Variants in SALL1 observed in about 807,000 individuals in gnomAD.
SALL1 encodes the protein sal-like protein 1.
A neutral mutation model predicts 73.1 loss-of-function variants in SALL1; 10 were observed. The ratio of observed to expected loss-of-function variants is 0.14; its 90% CI spans 0.08 to 0.23. SALL1 has a LOEUF of 0.23. Among genes scored for constraint, SALL1 ranks in the 10% least tolerant of loss-of-function variants. The pLI is 1.00. For synonymous variants in SALL1, 688 were observed against 689.8 expected (o/e 1.00, Z 0.04); for missense variants, 1,520 against 1,697.3 (o/e 0.90, Z 1.84).
Position 51,138,861 on chromosome 16 carries a change from C to A in SALL1, c.3361G>T (p.Val1121Phe). The change falls in exon 2 of 3, where the codon GTT (valine) becomes TTT (phenylalanine). Residue 1121 changes from valine (V) to phenylalanine (F), a missense_variant. Physicochemically the swap from Val to Phe is conservative, Grantham distance 50. Coordinates refer to ENST00000251020, the MANE Select transcript of SALL1 (RefSeq NM_002968.3). ...GPLSSSATSP[V>F]LLPALPRRTP... The stretch of plus-strand genomic sequence containing the variant: ...CTCCTGGGCAGAGCAGGGAGCAGAA[C>A]TGGGGATGTGGCAGAGGAAGACAGA... 6.2e-7 allele frequency: 1 copy of A among 1,614,192 alleles called. No individual in the cohort carries two copies. Among genetic ancestry groups the A allele is most frequent in the Non-Finnish European group, 8.5e-7 (1 of 1,180,042 alleles).
rs1962293932 is a variant in SALL1, at chr16:51,136,120, A to G, written c.*992T>C. The G allele has an allele frequency of 6.5e-6, 1 of 152,688 alleles. No homozygotes were observed. The highest frequency in any genetic ancestry group is 1.5e-5 in the Non-Finnish European group (1 of 68,038). The allele number at this position is 152,688 out of a possible 1,614,324, so 9.5% of individuals were successfully genotyped here. ...AACTTTCCAAGAAAGTGCATGTAACAGTCCAATTTTTTTCTTCCATACCTA... is the reference window on the plus strand; with the variant it reads ...AACTTTCCAAGAAAGTGCATGTAACGGTCCAATTTTTTTCTTCCATACCTA... On this transcript the variant is annotated 3_prime_UTR_variant, in exon 3 of 3. Coordinates refer to ENST00000251020, the MANE Select transcript of SALL1 (RefSeq NM_002968.3).
Position 51,136,833 on chromosome 16 carries a change from T to G in SALL1, c.*279A>C. On this transcript the variant is annotated 3_prime_UTR_variant, in exon 3 of 3. Coordinates refer to ENST00000251020, the MANE Select transcript of SALL1 (RefSeq NM_002968.3). ...CAATTGCCATAAATGTTACAGCAAG[T>G]TTACAGCACTCTAGTCAATTAGTAT... 2.3e-6 allele frequency: 1 copy of G among 443,492 alleles called. No homozygotes were observed. 27.5% of individuals were successfully genotyped at this position (443,492 alleles called of 1,614,324 possible). A position where few individuals can be genotyped will look rare whatever the true frequency, so the allele number is the denominator to read the frequency against.
rs757169483 is a variant in SALL1, at chr16:51,140,315, G to A, written c.1907C>T (p.Thr636Met). Residue 636 changes from threonine to methionine, a missense_variant, in exon 2 of 3, where the codon ACG (threonine) becomes ATG (methionine). This residue lies in a region of SALL1 where 276 missense variants were observed against 259.1 expected (regional missense o/e 1.07). Coordinates refer to ENST00000251020, the MANE Select transcript of SALL1 (RefSeq NM_002968.3). The surrounding 1 kb of genome is among the most constrained non-coding windows in gnomAD (Gnocchi z 5.7). ...GGAGCTCAGGACGCTACTGCTCGCC[G>A]TCGGGACTGAGTTGGTGACCATGCC... ...ESGMVTNSVP[T>M]ASSSVLSSPA... 106 of 1,613,954 alleles carry A rather than the reference G, an allele frequency of 6.6e-5. No homozygotes were observed. The highest frequency in any genetic ancestry group is 6.7e-5 in the African/African-American group (5 of 74,940).
At position 51,140,062 on chromosome 16, in the gene SALL1, G is replaced by A; in HGVS notation, c.2160C>T (p.Ala720=). The A allele has an allele frequency of 6.2e-7, 1 of 1,614,230 alleles. No individual in the cohort carries two copies. The highest frequency in any genetic ancestry group is 8.5e-7 in the Non-Finnish European group (1 of 1,180,034). The change falls in exon 2 of 3, where the codon GCC becomes GCT. Residue 720 remains alanine (A), a synonymous_variant. Transcript: ENST00000251020. The surrounding 1 kb of genome is among the most constrained non-coding windows in gnomAD (Gnocchi z 5.7). ...ICHRVLSCQS[A]LKMHYRTHTG... ...TGTGTGTCCTGTAGTGCATTTTCAA[G>A]GCGCTCTGGCAGCTGAGAACCCGGT...
upstream of SALL1, among the ~76,000 whole-genome samples, chr16:51,151,943 G>A: frequency 6.6e-6 from 1 of 151,682 alleles, no homozygotes; most frequent in African/African-American, 2.4e-5. Flanking sequence ...AGGGGGGAGG[G>A]CGTCCCGTTT....
intron 2 of SALL1, among the ~76,000 whole-genome samples, chr16:51,137,807 T>C (rs1962340940): frequency 6.6e-6 from 1 of 152,188 alleles, no homozygotes; most frequent in African/African-American, 2.4e-5. Context: ...AAGGATGCCT[T>C]ACTTACTCTT....
chr16:51,136,746 T>C lies in SALL1; in HGVS notation c.*366A>G, dbSNP rs1231367907. 1 of 303,346 alleles carries C rather than the reference T, an allele frequency of 3.3e-6. No individual in the cohort carries two copies. Among genetic ancestry groups the C allele is most frequent in the Non-Finnish European group, 6.4e-6 (1 of 157,374 alleles). 18.8% of individuals were successfully genotyped at this position (303,346 alleles called of 1,614,324 possible). A position where few individuals can be genotyped will look rare whatever the true frequency, so the allele number is the denominator to read the frequency against. On this transcript the variant is annotated 3_prime_UTR_variant, in exon 3 of 3. Transcript: ENST00000251020. ...AGGCATTGCATCAACACCAGATTCA[T>C]ATTAAACTGGATATAGAAAATAAGT...
intron 1 of SALL1, among the ~76,000 whole-genome samples, chr16:51,147,516 G>T (rs1229053259): frequency 6.6e-6 from 1 of 152,006 alleles, no homozygotes; most frequent in Non-Finnish European, 1.5e-5. Context: ...TCAATGTGTT[G>T]CTATGAAGCT....
Position 51,138,814 on chromosome 16 carries a change from G to A in SALL1, c.3408C>T (p.Cys1136=), listed in dbSNP as rs1480319926. ...LPRRTPKQHY[C]NTCGKTFSSS... is the part of the protein sequence containing the mutation. ...AGGAGAAGGTTTTGCCACATGTGTT[G>A]CAGTAGTGCTGCTTGGGAGTTCTCC... Residue 1136 remains cysteine (C), a synonymous_variant, in exon 2 of 3, where the codon TGC becomes TGT. Coordinates refer to ENST00000251020, the MANE Select transcript of SALL1 (RefSeq NM_002968.3). 1.9e-6 allele frequency: 3 copies of A among 1,614,236 alleles called. No individual in the cohort carries two copies. The highest frequency in any genetic ancestry group is 2.2e-5 in the South Asian group (2 of 91,084).
intron 1 of SALL1, among the ~76,000 whole-genome samples, chr16:51,144,936 G>C (rs566250424): frequency 6.6e-6 from 1 of 152,022 alleles, no homozygotes; most frequent in Non-Finnish European, 1.5e-5. Flanking sequence ...ACTGTAGAGT[G>C]AACTAATTTA....
At chr16:51,145,566 A>G (rs958286587) in intron 1 of SALL1, among the ~76,000 whole-genome samples, 13 of 152,122 alleles carry the variant, frequency 8.5e-5, no homozygotes, top group African/African-American at 2.9e-4. Context: ...CACCAAATTT[A>G]TACTAAAATC....
chr16:51,145,072 A>G (rs1246862574), intron 1 of SALL1, among the ~76,000 whole-genome samples: 1 of 146,572 alleles, frequency 6.8e-6, no homozygotes. Context: ...ATTCGGAACA[A>G]AATTCCAAGG....
intron 1 of SALL1, among the ~76,000 whole-genome samples, chr16:51,145,965 TTTGA>T (rs766206190): frequency 2.0e-5 from 3 of 151,290 alleles, no homozygotes; most frequent in Non-Finnish European, 2.9e-5. Flanking sequence ...CACAAACATA[TTTGA>T]TTGATTGGTC....
chr16:51,149,906 C>T (rs534121874), intron 1 of SALL1: 2 of 152,492 alleles, frequency 1.3e-5, no homozygotes, highest in African/African-American at 4.8e-5. Flanking sequence ...CAAAATGCCG[C>T]CTAGGGCGTG....
chr16:51,136,967 C>G lies in SALL1; in HGVS notation c.*145G>C. On this transcript the variant is annotated 3_prime_UTR_variant, in exon 3 of 3. Transcript: ENST00000251020. ...TAGAACTCTAAAGTTGAACAAGGTA[C>G]AAAAGAATGTCTTCATAATGTTGTA... 3.0e-6 allele frequency: 2 copies of G among 672,526 alleles called. No individual in the cohort carries two copies. Among genetic ancestry groups the G allele is most frequent in the Non-Finnish European group, 5.0e-6 (2 of 403,148 alleles). 41.7% of individuals were successfully genotyped at this position (672,526 alleles called of 1,614,324 possible). A position where few individuals can be genotyped will look rare whatever the true frequency, so the allele number is the denominator to read the frequency against.
rs1461765489 is a variant in SALL1, at chr16:51,139,313, A to G, written c.2909T>C (p.Leu970Ser). The change falls in exon 2 of 3, where the codon TTG becomes TCG. Residue 970 changes from leucine to serine, a missense_variant. Around this residue, in one of 7 missense-constraint regions of SALL1, gnomAD observed 266 missense variants for 275.1 expected, o/e 0.97. Coordinates refer to ENST00000251020, the MANE Select transcript of SALL1 (RefSeq NM_002968.3). ...CTCTGCGTGACTAGATGTCAAATCC[A>G]AAGCCCCACCATTCACTGGGGTGGG... Reference protein sequence around the residue: ...LSPTPVNGGALDLTSSHAEKI... With the variant: ...LSPTPVNGGASDLTSSHAEKI... The G allele has an allele frequency of 6.2e-7, 1 of 1,614,048 alleles. No individual in the cohort carries two copies. The highest frequency in any genetic ancestry group is 2.2e-5 in the East Asian group (1 of 44,890).
upstream of SALL1, chr16:51,152,019 A>C (rs1337340928): frequency 6.6e-6 from 1 of 150,448 alleles, no homozygotes; most frequent in Middle Eastern, 3.4e-3. Flanking sequence ...CCATTAAAAA[A>C]AAAAATAAGC....
At chr16:51,147,521 G>A (rs1302831532) in intron 1 of SALL1, among the ~76,000 whole-genome samples, 1 of 152,036 alleles carries the variant, frequency 6.6e-6, no homozygotes, top group East Asian at 1.9e-4. Flanking sequence ...GTGTTGCTAT[G>A]AAGCTGCTCA....
Position 51,139,319 on chromosome 16 carries a change from C to T in SALL1, c.2903G>A (p.Gly968Glu). Reference protein sequence around the residue: ...NGLSPTPVNGGALDLTSSHAE... With the variant: ...NGLSPTPVNGEALDLTSSHAE... The stretch of plus-strand genomic sequence containing the variant: ...GTGACTAGATGTCAAATCCAAAGCC[C>T]CACCATTCACTGGGGTGGGAGACAA... The change falls in exon 2 of 3, where the codon GGG becomes GAG. Residue 968 changes from glycine (G) to glutamate (E), a missense_variant. Transcript: ENST00000251020. 6.2e-7 allele frequency: 1 copy of T among 1,614,118 alleles called. No individual in the cohort carries two copies. The highest frequency in any genetic ancestry group is 1.1e-5 in the South Asian group (1 of 91,068).
Sources: gnomAD v4.1 joint callset for allele counts (sites outside exome capture counted in the v4.1 genomes callset) on GRCh38, gnomAD v4.1.1 for gene constraint, gnomAD v4.1.1 regional missense constraint, Gnocchi (gnomAD v3.1) non-coding constraint, MANE v1.5 for transcripts, NCBI Gene and HGNC (gene_info 2026-07-23, HGNC 2026-07-21) for gene names.